The following WASF1 variants were observed in gnomAD, a reference collection of about 807,000 sequenced individuals.
The protein encoded by WASF1 is WASP family member 1.
Under a neutral mutation model 50.5 loss-of-function variants are expected in WASF1, and 7 were observed. The ratio of observed to expected loss-of-function variants is 0.14; its 90% CI spans 0.08 to 0.26. WASF1 has a LOEUF of 0.26. WASF1 is among the 10% of genes least tolerant of loss of function. The probability of loss-of-function intolerance (pLI) is 1.00; values close to 1 mark genes in which losing one functional copy is unlikely to be tolerated. For synonymous variants in WASF1, 205 were observed against 244.0 expected (o/e 0.84, Z 1.49); for missense variants, 470 against 694.7 (o/e 0.68, Z 3.64).
chr6:110,127,273 T>G (rs1774460839), intron 4 of WASF1, among the ~76,000 whole-genome samples, 196 bp downstream of exon 4: 1 of 152,218 alleles, frequency 6.6e-6, no homozygotes, highest in East Asian at 1.9e-4. Context: ...CGTATTTTCC[T>G]TTCCCAGAAG....
Position 110,161,834 on chromosome 6 carries a change from T to G in WASF1, c.-126-1102A>C, listed in dbSNP as rs1436486916. 2.6e-5 allele frequency among the ~76,000 whole-genome samples: 4 copies of G among 151,474 alleles called. No individual in the cohort carries two copies. In the East Asian group the frequency reaches 7.7e-4, roughly 29 times the overall value. The stretch of plus-strand genomic sequence containing the variant: ...ACCAAGGCCCAGCCTTAACCTGACC[T>G]CTATGAAAGGACCACAATTTCAGCA... On this transcript the variant is annotated intron_variant, in intron 2 of 10. Coordinates refer to ENST00000392589, the MANE Select transcript of WASF1 (RefSeq NM_003931.3).
intron 3 of WASF1, among the ~76,000 whole-genome samples, chr6:110,160,150 A>G (rs1400324058): frequency 6.6e-6 from 1 of 151,940 alleles, no homozygotes; most frequent in Non-Finnish European, 1.5e-5. Context: ...ACATCACAGT[A>G]AAAAACAGTA....
At chr6:110,172,293 T>C (rs1281398951) in intron 2 of WASF1, among the ~76,000 whole-genome samples, 1 of 152,012 alleles carries the variant, frequency 6.6e-6, no homozygotes, top group African/African-American at 2.4e-5. Context: ...CAAATGTCCA[T>C]CAATGACAGA....
chr6:110,103,947 T>A (rs555151071), intron 8 of WASF1, among the ~76,000 whole-genome samples: 1 of 152,238 alleles, frequency 6.6e-6, no homozygotes, highest in South Asian at 2.1e-4. Flanking sequence ...GACAGAAAGG[T>A]AGAATAGGAA....
chr6:110,171,614 G>C (rs1233658075), intron 2 of WASF1, among the ~76,000 whole-genome samples: 1 of 151,994 alleles, frequency 6.6e-6, no homozygotes, highest in Non-Finnish European at 1.5e-5. Context: ...TCAGGACACG[G>C]GCATGGGCAA....
chr6:110,144,162 G>A (rs539520416), intron 3 of WASF1, among the ~76,000 whole-genome samples: 233 of 152,254 alleles, frequency 1.5e-3, no homozygotes, highest in Admixed American at 3.3e-3. Context: ...ATTCTAACTG[G>A]TGTGAGATGG....
At chr6:110,133,350 C>CT (rs143592300) in intron 3 of WASF1, among the ~76,000 whole-genome samples, 4,978 of 152,016 alleles carry the variant, frequency 0.033, 146 homozygotes, top group South Asian at 0.12. Context: ...TGTACAATGA[C>CT]TTTTTTATAG....
intron 4 of WASF1, among the ~76,000 whole-genome samples, chr6:110,123,744 GTTTC>G: frequency 6.6e-6 from 1 of 152,152 alleles, no homozygotes; most frequent in East Asian, 1.9e-4. Context: ...TCCAGAGACA[GTTTC>G]TCTGGCAGAT....
chr6:110,119,064 A>G (rs1044004065), intron 4 of WASF1, among the ~76,000 whole-genome samples: 3 of 152,246 alleles, frequency 2.0e-5, no homozygotes, highest in Non-Finnish European at 4.4e-5. Flanking sequence ...GGAAATTTAT[A>G]GCACTAAATA....
intron 3 of WASF1, among the ~76,000 whole-genome samples, chr6:110,141,124 A>G (rs1183186019): frequency 1.4e-4 from 22 of 152,164 alleles, no homozygotes; most frequent in Admixed American, 1.4e-3. Context: ...CCATGAATGA[A>G]AGGGGGACTA....
At chr6:110,110,663 CATA>C (rs1327517964) in intron 5 of WASF1, among the ~76,000 whole-genome samples, 1 of 152,108 alleles carries the variant, frequency 6.6e-6, no homozygotes, top group South Asian at 2.1e-4. Flanking sequence ...AATAAATTAG[CATA>C]ATGCTTATAA....
chr6:110,172,307 G>C (rs1776755372), intron 2 of WASF1, among the ~76,000 whole-genome samples: 1 of 152,114 alleles, frequency 6.6e-6, no homozygotes, highest in African/African-American at 2.4e-5. Flanking sequence ...TGACAGACTG[G>C]ATTAAGCAAA....
At chr6:110,132,876 T>C (rs1774749279) in intron 3 of WASF1, among the ~76,000 whole-genome samples, 1 of 151,472 alleles carries the variant, frequency 6.6e-6, no homozygotes, top group Admixed American at 6.6e-5. Context: ...TTCATTCTTT[T>C]TTATGGCTGT....
At chr6:110,124,260 CTCTCTCTCTCTCTCTA>C (rs1774302885) in intron 4 of WASF1, among the ~76,000 whole-genome samples, 1 of 59,992 alleles carries the variant, frequency 1.7e-5, no homozygotes, top group African/African-American at 8.3e-5. Flanking sequence ...CTCTCTCTCT[CTCTCTCTCTCTCTCTA>C]TATATATATA....
intron 2 of WASF1, among the ~76,000 whole-genome samples, chr6:110,162,315 G>T (rs1185526106): frequency 1.3e-5 from 2 of 150,622 alleles, no homozygotes; most frequent in Non-Finnish European, 3.0e-5. Context: ...AAACAAGCAA[G>T]ATATAAATTA....
At chr6:110,107,010 G>T in intron 7 of WASF1, 67 bp downstream of exon 7, 1 of 1,127,052 alleles carries the variant, frequency 8.9e-7, no homozygotes, top group Non-Finnish European at 1.3e-6. Context: ...GATTAATGAA[G>T]TTCAATATAT....
intron 5 of WASF1, among the ~76,000 whole-genome samples, chr6:110,109,755 G>A (rs6928684): frequency 6.6e-6 from 1 of 150,672 alleles, no homozygotes; most frequent in Admixed American, 6.6e-5. Flanking sequence ...AGAGATGAGG[G>A]TTCACTATGT....
At chr6:110,163,854 G>GAGAA (rs1776362333) in intron 2 of WASF1, among the ~76,000 whole-genome samples, 1 of 151,500 alleles carries the variant, frequency 6.6e-6, no homozygotes, top group Non-Finnish European at 1.5e-5. Context: ...TGTAGTTTTG[G>GAGAA]AGAAATAGAA....
chr6:110,141,724 AAAAGAAAAAATAGGTT>A, intron 3 of WASF1, among the ~76,000 whole-genome samples: 1 of 152,214 alleles, frequency 6.6e-6, no homozygotes, highest in South Asian at 2.1e-4. Context: ...AGGAAGCCAA[AAAAGAAAAAATAGGTT>A]GCTGCGGGAA....
Sources: gnomAD v4.1 joint callset for allele counts (sites outside exome capture counted in the v4.1 genomes callset) on GRCh38, gnomAD v4.1.1 for gene constraint, MANE v1.5 for transcripts, NCBI Gene and HGNC (gene_info 2026-07-23, HGNC 2026-07-21) for gene names.